Variants in FBN1 observed in about 807,000 individuals in gnomAD.
FBN1 encodes fibrillin-1.
A neutral mutation model predicts 365.1 loss-of-function variants in FBN1; 29 were observed. The ratio of observed to expected loss-of-function variants is 0.08; its 90% CI spans 0.06 to 0.11. The LOEUF (loss-of-function observed/expected upper bound fraction) is 0.11, where lower values mean the gene tolerates loss of function less well. FBN1 is among the 10% of genes least tolerant of loss of function. The probability of loss-of-function intolerance (pLI) is 1.00; values close to 1 mark genes in which losing one functional copy is unlikely to be tolerated. For synonymous variants in FBN1, 1,210 were observed against 1,270.5 expected (o/e 0.95, Z 1.01); for missense variants, 2,476 against 3,703.2 (o/e 0.67, Z 8.60).
intron 45 of FBN1, among the ~76,000 whole-genome samples, chr15:48,450,000 T>C (rs566810757): frequency 6.6e-6 from 1 of 152,324 alleles, no homozygotes; most frequent in South Asian, 2.1e-4. Context: ...CATTTAGAAG[T>C]TCCAAGTGAA....
chr15:48,546,589 G>A (rs985042002), intron 6 of FBN1, among the ~76,000 whole-genome samples: 2 of 152,200 alleles, frequency 1.3e-5, no homozygotes, highest in Admixed American at 6.5e-5. Flanking sequence ...GCAGGGGCTG[G>A]ATTATGCAGG....
At chr15:48,617,029 CT>C (rs1270603133) in intron 2 of FBN1, among the ~76,000 whole-genome samples, 1 of 152,114 alleles carries the variant, frequency 6.6e-6, no homozygotes, top group Non-Finnish European at 1.5e-5. Context: ...CTCTCCTAAC[CT>C]TATGTTAAGT....
At chr15:48,424,801 A>T (rs1158838841) in intron 60 of FBN1, among the ~76,000 whole-genome samples, 1 of 152,194 alleles carries the variant, frequency 6.6e-6, no homozygotes, top group Non-Finnish European at 1.5e-5. Flanking sequence ...TTTGCAAAGG[A>T]TAACTTCTGG....
Position 48,418,724 on chromosome 15 carries a change from C to T in FBN1, c.7819+1963G>A, listed in dbSNP as rs542443901. ...GTTTGTTTTATAAAAAGAGACAATT[C>T]GAATTTTACCAAAATAGCATTAAAG... On this transcript the variant is annotated intron_variant, in intron 63 of 65. Coordinates refer to ENST00000316623, the MANE Select transcript of FBN1 (RefSeq NM_000138.5). 1.3e-3 allele frequency among the ~76,000 whole-genome samples: 202 copies of T among 152,218 alleles called. 1 individual carries two copies. The highest frequency in any genetic ancestry group is 2.2e-3 in the Admixed American group (33 of 15,290).
chr15:48,454,471 A>G (rs1314598014), intron 44 of FBN1, among the ~76,000 whole-genome samples: 2 of 152,156 alleles, frequency 1.3e-5, no homozygotes, highest in Non-Finnish European at 2.9e-5. Context: ...AACAACAACA[A>G]CAAAAAACAG....
chr15:48,584,270 T>A (rs568595055), intron 6 of FBN1, among the ~76,000 whole-genome samples: 2 of 152,280 alleles, frequency 1.3e-5, no homozygotes, highest in South Asian at 4.2e-4. Flanking sequence ...CTGAGAGACA[T>A]GCAGTAACTT....
intron 5 of FBN1, 79 bp from the exon 6 acceptor site, chr15:48,596,457 GACA>G: frequency 7.4e-7 from 1 of 1,351,782 alleles, no homozygotes; most frequent in South Asian, 1.2e-5. Context: ...CCTCTGGAAG[GACA>G]ACAATAAAAT....
At chr15:48,422,843 C>T (rs1283819071) in intron 60 of FBN1, among the ~76,000 whole-genome samples, 1 of 152,084 alleles carries the variant, frequency 6.6e-6, no homozygotes, top group Non-Finnish European at 1.5e-5. Context: ...CATGTAATCC[C>T]AGCTACCTGG....
chr15:48,622,093 A>G (rs1889781115), intron 2 of FBN1, among the ~76,000 whole-genome samples: 1 of 152,218 alleles, frequency 6.6e-6, no homozygotes, highest in African/African-American at 2.4e-5. Context: ...TCCAGAGTAT[A>G]TGGCAACTCT....
intron 13 of FBN1, among the ~76,000 whole-genome samples, chr15:48,512,939 C>T (rs1344612212): frequency 6.6e-6 from 1 of 152,122 alleles, no homozygotes; most frequent in Non-Finnish European, 1.5e-5. Flanking sequence ...TATTGGGTGG[C>T]TTAATAAATT....
At chr15:48,476,977 T>C (rs1275720418) in intron 32 of FBN1, among the ~76,000 whole-genome samples, 4 of 152,050 alleles carry the variant, frequency 2.6e-5, no homozygotes, top group African/African-American at 7.2e-5. Flanking sequence ...CCTTGCTTTA[T>C]GGAGTTACCA....
At chr15:48,524,959 C>T (rs1355703840) in intron 9 of FBN1, among the ~76,000 whole-genome samples, 1 of 152,106 alleles carries the variant, frequency 6.6e-6, no homozygotes, top group Non-Finnish European at 1.5e-5. Context: ...TGTCTTAATC[C>T]TCATGTAGTT....
chr15:48,588,451 C>T (rs186120688), intron 6 of FBN1, among the ~76,000 whole-genome samples: 9 of 151,642 alleles, frequency 5.9e-5, no homozygotes, highest in African/African-American at 1.7e-4. Flanking sequence ...GTGGGGCTAA[C>T]GACATATAAA....
At chr15:48,553,778 C>A (rs904653413) in intron 6 of FBN1, among the ~76,000 whole-genome samples, 1 of 152,018 alleles carries the variant, frequency 6.6e-6, no homozygotes, top group African/African-American at 2.4e-5. Flanking sequence ...CCCTTTAATA[C>A]AGGAAATTCC....
intron 6 of FBN1, among the ~76,000 whole-genome samples, chr15:48,580,886 G>C (rs1009749235): frequency 6.6e-6 from 1 of 152,150 alleles, no homozygotes; most frequent in Admixed American, 6.5e-5. Flanking sequence ...TAGCGAGCCA[G>C]AGGGGTAGGA....
chr15:48,588,087 G>A (rs2044450400), intron 6 of FBN1, among the ~76,000 whole-genome samples: 1 of 152,120 alleles, frequency 6.6e-6, no homozygotes, highest in Admixed American at 6.5e-5. Context: ...ATGTATTACT[G>A]GAAGTTCTAG....
In FBN1 at chr15:48,515,394, C is replaced by T. The variant is rs368637894; in HGVS notation, c.1461G>A (p.Glu487=). The T allele has an allele frequency of 6.2e-7, 1 of 1,613,944 alleles. No homozygotes were observed. Among genetic ancestry groups the T allele is most frequent in the Non-Finnish European group, 8.5e-7 (1 of 1,179,890 alleles). ...NKGFQLDLRG[E]CIDVDECEKN... is the part of the protein sequence containing the mutation. The stretch of plus-strand genomic sequence containing the variant: ...CTAGGATGGATCACGTACCAATACA[C>T]TCCCCACGGAGGTCCAGCTGGAACC... The change falls in exon 12 of 66, where the codon GAG becomes GAA. Residue 487 remains glutamate (E), a synonymous_variant. Transcript: ENST00000316623.
At chr15:48,534,012 T>G in intron 8 of FBN1, 68 bp downstream of exon 8, 1 of 1,603,188 alleles carries the variant, frequency 6.2e-7, no homozygotes, top group Admixed American at 1.7e-5. Flanking sequence ...GCAAACAAGC[T>G]TGTTTCTAAT....
chr15:48,461,505 C>T (rs547058588), intron 42 of FBN1, among the ~76,000 whole-genome samples: 9 of 152,104 alleles, frequency 5.9e-5, no homozygotes, highest in African/African-American at 2.2e-4. Context: ...TAGAACAGCT[C>T]AGAAAAATAA....
Sources: allele counts gnomAD v4.1 joint callset (sites outside exome capture counted in the v4.1 genomes callset), GRCh38; gene constraint gnomAD v4.1.1; transcripts MANE v1.5; gene names NCBI Gene and HGNC (gene_info 2026-07-23, HGNC 2026-07-21).